The following PCDHGA6 variants were observed in gnomAD, a reference collection of about 807,000 sequenced individuals.
PCDHGA6 encodes protocadherin gamma subfamily A, 6, also known as protocadherin gamma-A6.
PCDHGA6 carries 41 observed loss-of-function variants against 60.6 expected under a neutral mutation model. That is an observed-to-expected ratio of 0.68 (90% CI 0.53 to 0.88). The LOEUF (loss-of-function observed/expected upper bound fraction) is 0.88, where lower values mean the gene tolerates loss of function less well. Ranked by LOEUF, PCDHGA6 falls within the 40% of genes least tolerant of loss-of-function variation. The probability of loss-of-function intolerance (pLI) is 0.00; values close to 1 mark genes in which losing one functional copy is unlikely to be tolerated. For missense variants in PCDHGA6, 1,312 were observed against 1,203.0 expected (o/e 1.09, Z -1.34); for synonymous variants, 594 against 524.4 (o/e 1.13, Z -1.81).
rs73280920 is a variant in PCDHGA6 at position 141,453,809 on chromosome 5, A to G, written c.2425-40998A>G. Among the ~76,000 whole-genome samples, 1,254 of 152,338 alleles carry G rather than the reference A, an allele frequency of 8.2e-3. 17 individuals carry two copies. Among genetic ancestry groups the G allele is most frequent in the African/African-American group, 0.029 (1,191 of 41,572 alleles). On this transcript the variant is annotated intron_variant, in intron 1 of 3. Coordinates refer to ENST00000517434, the MANE Select transcript of PCDHGA6 (RefSeq NM_018919.3). ...GTATATTAACTTTGAGTAGTTCCATAAAGGACAAACTTGGCTGCTAGCCCT... is the reference window on the plus strand; with the variant it reads ...GTATATTAACTTTGAGTAGTTCCATGAAGGACAAACTTGGCTGCTAGCCCT...
chr5:141,376,948 A>T (rs1369934638), intron 1 of PCDHGA6: 1 of 164,970 alleles, frequency 6.1e-6, no homozygotes, highest in South Asian at 1.6e-4. Context: ...CGGCCTCCCA[A>T]AGTGCTGGGA....
intron 1 of PCDHGA6, among the ~76,000 whole-genome samples, chr5:141,474,586 A>G (rs149003643): frequency 6.6e-6 from 1 of 152,222 alleles, no homozygotes; most frequent in Non-Finnish European, 1.5e-5. Flanking sequence ...AGTGTTAAAG[A>G]CATGGAAATA....
At chr5:141,475,161 A>G (rs1433985907) in intron 1 of PCDHGA6, among the ~76,000 whole-genome samples, 1 of 152,138 alleles carries the variant, frequency 6.6e-6, no homozygotes, top group Non-Finnish European at 1.5e-5. Context: ...CTTCTTCATT[A>G]GCAGTGCAAC....
At chr5:141,411,556 C>A (rs2095498108) in intron 1 of PCDHGA6, 1 of 152,200 alleles carries the variant, frequency 6.6e-6, no homozygotes, top group Non-Finnish European at 1.5e-5. Context: ...TGCACTCCAG[C>A]CTGGGCGACA....
At position 141,477,177 on chromosome 5, in the gene PCDHGA6, T is replaced by C; in HGVS notation, c.2425-17630T>C. The C allele has an allele frequency of 6.2e-7, 1 of 1,614,160 alleles. No individual in the cohort carries two copies. On this transcript the variant is annotated intron_variant, in intron 1 of 3. Coordinates refer to ENST00000517434, the MANE Select transcript of PCDHGA6 (RefSeq NM_018919.3). This position sits in a 1 kb window ranked among gnomAD's most constrained non-coding sequence, Gnocchi z 4.9. Reference sequence around the variant, plus strand: ...AATGACAACGCCCCGGAGATCACAGTCACCTCCGTGTACAGCCCAGTACCC... The same window carrying C: ...AATGACAACGCCCCGGAGATCACAGCCACCTCCGTGTACAGCCCAGTACCC...
intron 1 of PCDHGA6, chr5:141,403,870 T>A: frequency 6.2e-7 from 1 of 1,613,498 alleles, no homozygotes; most frequent in African/African-American, 1.3e-5. Flanking sequence ...CAGCAAAAAG[T>A]CTAGATTATG....
chr5:141,460,075 C>T (rs2098981644), intron 1 of PCDHGA6, among the ~76,000 whole-genome samples: 2 of 151,896 alleles, frequency 1.3e-5, no homozygotes, highest in East Asian at 1.9e-4. Context: ...GAGACTTCAT[C>T]TAAAAAATAA....
chr5:141,423,656 A>G (rs988976310), intron 1 of PCDHGA6: 2 of 1,571,854 alleles, frequency 1.3e-6, no homozygotes, highest in African/African-American at 1.4e-5. Context: ...CCGACAAGTA[A>G]TCAGGTGAGA....
chr5:141,427,915 T>C lies in PCDHGA6; in HGVS notation c.2424+51408T>C, dbSNP rs779333176. ...GGCTCGCCCGCGCTCAGCGCCAACATGAGCCGGCGCATGTTGGTGGGCGAC... is the reference window on the plus strand; with the variant it reads ...GGCTCGCCCGCGCTCAGCGCCAACACGAGCCGGCGCATGTTGGTGGGCGAC... On this transcript the variant is annotated intron_variant, in intron 1 of 3. Transcript: ENST00000517434. The C allele has an allele frequency of 7.0e-6, 11 of 1,578,094 alleles. No individual in the cohort carries two copies. In the Admixed American group the frequency reaches 8.4e-5, roughly 12 times the overall value.
At chr5:141,416,717 A>G (rs1227713508) in intron 1 of PCDHGA6, 1 of 152,256 alleles carries the variant, frequency 6.6e-6, no homozygotes, top group Admixed American at 6.5e-5. Flanking sequence ...GGTACTGATG[A>G]GTTCATTTAG....
chr5:141,500,877 A>ATTT (rs369345007), intron 2 of PCDHGA6, among the ~76,000 whole-genome samples: 1 of 122,288 alleles, frequency 8.2e-6, no homozygotes, highest in Admixed American at 8.0e-5. Context: ...TTCATTTACA[A>ATTT]TTTTTTTTTT....
Position 141,511,375 on chromosome 5 carries a change from A to G in PCDHGA6, c.*202A>G. 2 of 1,236,730 alleles carry G rather than the reference A, an allele frequency of 1.6e-6. No individual in the cohort carries two copies. The highest frequency in any genetic ancestry group is 2.2e-6 in the Non-Finnish European group (2 of 912,840). 76.6% of individuals were successfully genotyped at this position (1,236,730 alleles called of 1,614,324 possible). A position where few individuals can be genotyped will look rare whatever the true frequency, so the allele number is the denominator to read the frequency against. On this transcript the variant is annotated 3_prime_UTR_variant, in exon 4 of 4. Coordinates refer to ENST00000517434, the MANE Select transcript of PCDHGA6 (RefSeq NM_018919.3). ...CCCAGGGGGTTGAATATGCAAAAGCAGTTCCGCTGGGAACCCCCATCCAAT... is the reference window on the plus strand; with the variant it reads ...CCCAGGGGGTTGAATATGCAAAAGCGGTTCCGCTGGGAACCCCCATCCAAT...
rs561817609 is a variant in PCDHGA6, at chr5:141,496,904, G to A, written c.2483+2039G>A. Among the ~76,000 whole-genome samples, 12 of 137,476 alleles carry A rather than the reference G, an allele frequency of 8.7e-5. 1 individual carries two copies. The South Asian group carries it at 2.0e-3, about 23-fold the overall frequency. The allele number at this position is 137,476 out of a possible 152,430, so 90.2% of individuals were successfully genotyped here. On this transcript the variant is annotated intron_variant, in intron 2 of 3. Transcript: ENST00000517434. ...AGTAACACTTAAAAAAAAAAAAAAA[G>A]GCTGGGCACTGTGGTTCACGCCTGT...
intron 1 of PCDHGA6, chr5:141,383,053 C>G: frequency 6.2e-7 from 1 of 1,613,896 alleles, no homozygotes; most frequent in South Asian, 1.1e-5. Context: ...CGCCAAGGAC[C>G]TGGGGCTGGA....
chr5:141,433,328 G>A (rs965877578), intron 1 of PCDHGA6: 3 of 724,464 alleles, frequency 4.1e-6, no homozygotes, highest in African/African-American at 3.6e-5. Context: ...GGTGTAACAG[G>A]GACTACAGGT....
At chr5:141,418,000 G>A (rs758811293) in intron 1 of PCDHGA6, 6 of 1,613,902 alleles carry the variant, frequency 3.7e-6, no homozygotes, top group Admixed American at 1.7e-5. Context: ...GCTCGGTGGT[G>A]GGGAACCTCG....
At chr5:141,423,042 G>A in intron 1 of PCDHGA6, 1 of 1,614,220 alleles carries the variant, frequency 6.2e-7, no homozygotes, top group Non-Finnish European at 8.5e-7. Context: ...ACGCCTGGCT[G>A]TCCTATCGCC....
rs3805699 is a variant in PCDHGA6 at position 141,435,743 on chromosome 5, G to A, written c.2425-59064G>A. Among the ~76,000 whole-genome samples the A allele has an allele frequency of 9.2e-5, 14 of 152,198 alleles. No homozygotes were observed. The East Asian group carries it at 2.1e-3, about 23-fold the overall frequency. ...GCTAAAGTGTATTACTCTTTGAAAA[G>A]CATTGCTTGATTTCTTTTGGTGAAT... is the stretch of plus-strand genomic sequence containing the variant. On this transcript the variant is annotated intron_variant, in intron 1 of 3. Coordinates refer to ENST00000517434, the MANE Select transcript of PCDHGA6 (RefSeq NM_018919.3).
chr5:141,386,504 T>A (rs1351334049), intron 1 of PCDHGA6, among the ~76,000 whole-genome samples: 1 of 84,712 alleles, frequency 1.2e-5, no homozygotes, highest in Non-Finnish European at 2.3e-5. Flanking sequence ...AACAAGACTC[T>A]GTCTCTTCAA....
Sources: gnomAD v4.1 joint callset for allele counts (sites outside exome capture counted in the v4.1 genomes callset) on GRCh38, gnomAD v4.1.1 for gene constraint, Gnocchi (gnomAD v3.1) non-coding constraint, MANE v1.5 for transcripts, NCBI Gene and HGNC (gene_info 2026-07-23, HGNC 2026-07-21) for gene names.